FHIT: variants seen among roughly 807,000 people sequenced by gnomAD.
FHIT encodes bis(5'-adenosyl)-triphosphatase.
A neutral mutation model predicts 17.9 loss-of-function variants in FHIT; 19 were observed. The observed-to-expected ratio is 1.06, with a 90% confidence interval of 0.74 to 1.56. The LOEUF (loss-of-function observed/expected upper bound fraction) is 1.56, where lower values mean the gene tolerates loss of function less well. FHIT is among the 40% of genes most tolerant of loss of function. The pLI is 0.00. For missense variants in FHIT, 248 were observed against 189.2 expected, an observed-to-expected ratio of 1.31 and a Z score of -1.82; for synonymous variants, 81 against 69.7, an observed-to-expected ratio of 1.16 and a Z score of -0.81.
chr3:61,102,089 A>G (rs940754443), intron 2 of FHIT, among the ~76,000 whole-genome samples: 2 of 152,158 alleles, frequency 1.3e-5, no homozygotes, highest in African/African-American at 2.4e-5. Flanking sequence ...TTCCAACACT[A>G]TATTGAATAG....
intron 5 of FHIT, among the ~76,000 whole-genome samples, chr3:60,113,053 T>C (rs1342746882): frequency 6.6e-6 from 1 of 152,208 alleles, no homozygotes; most frequent in Non-Finnish European, 1.5e-5. Context: ...AGGGCTTTCC[T>C]GACCATCCAA....
chr3:60,806,195 T>C (rs781931036), intron 4 of FHIT, among the ~76,000 whole-genome samples: 1 of 152,202 alleles, frequency 6.6e-6, no homozygotes, highest in Non-Finnish European at 1.5e-5. Context: ...TGGGATTCAG[T>C]TGGGGGGCTC....
chr3:60,697,623 T>A (rs2041144052), intron 4 of FHIT, among the ~76,000 whole-genome samples: 1 of 152,132 alleles, frequency 6.6e-6, no homozygotes, highest in African/African-American at 2.4e-5. Flanking sequence ...AAATAATATA[T>A]ATATTTTAAA....
At chr3:60,678,770 G>A (rs2040679588) in intron 4 of FHIT, among the ~76,000 whole-genome samples, 1 of 152,064 alleles carries the variant, frequency 6.6e-6, no homozygotes, top group African/African-American at 2.4e-5. Context: ...CCCAAGAGTG[G>A]CTCCAGCCTG....
At chr3:60,789,239 G>T (rs1164065066) in intron 4 of FHIT, among the ~76,000 whole-genome samples, 1 of 151,630 alleles carries the variant, frequency 6.6e-6, no homozygotes, top group African/African-American at 2.4e-5. Flanking sequence ...ACGAAGGTTG[G>T]CCAGGTGCTG....
chr3:59,835,956 G>C (rs1701324866), intron 8 of FHIT, among the ~76,000 whole-genome samples: 1 of 152,084 alleles, frequency 6.6e-6, no homozygotes, highest in Non-Finnish European at 1.5e-5. Context: ...ATCTAGGAGG[G>C]GATGGTTCCC....
At chr3:59,797,189 A>AT (rs201641033) in intron 8 of FHIT, among the ~76,000 whole-genome samples, 5,109 of 145,036 alleles carry the variant, frequency 0.035, 224 homozygotes, top group Admixed American at 0.094. Flanking sequence ...TGATATTACA[A>AT]TTTTTTTTTT....
At chr3:59,869,143 C>T (rs1702794506) in intron 8 of FHIT, among the ~76,000 whole-genome samples, 1 of 152,220 alleles carries the variant, frequency 6.6e-6, no homozygotes, top group African/African-American at 2.4e-5. Flanking sequence ...CAACACTCCA[C>T]TGCCTTTCAA....
chr3:60,815,530 A>T (rs1701712487), intron 4 of FHIT, among the ~76,000 whole-genome samples: 1 of 152,124 alleles, frequency 6.6e-6, no homozygotes, highest in South Asian at 2.1e-4. Flanking sequence ...TTTGTTGAAG[A>T]TCAGATGGTT....
chr3:60,149,162 G>A (rs1358438006), intron 5 of FHIT, among the ~76,000 whole-genome samples: 2 of 152,118 alleles, frequency 1.3e-5, no homozygotes, highest in Non-Finnish European at 2.9e-5. Context: ...ATTAAATATA[G>A]GTGTTTCTTT....
intron 3 of FHIT, among the ~76,000 whole-genome samples, chr3:60,885,426 AC>A (rs1559800683): frequency 2.6e-5 from 4 of 152,234 alleles, no homozygotes; most frequent in African/African-American, 7.2e-5. Context: ...CCTTCTGCAT[AC>A]AAAAAGTGAT....
Position 60,449,648 on chromosome 3 carries a change from G to A in FHIT, c.103+87212C>T, listed in dbSNP as rs185684780. On this transcript the variant is annotated intron_variant, in intron 5 of 9. Coordinates refer to ENST00000492590, the MANE Select transcript of FHIT (RefSeq NM_002012.4). ...GCATGTTATTGTACTGAATACTGTAGGTAATTGTAACACACTGGCAAGTAT... is the reference window on the plus strand; with the variant it reads ...GCATGTTATTGTACTGAATACTGTAAGTAATTGTAACACACTGGCAAGTAT... Among the ~76,000 whole-genome samples the A allele has an allele frequency of 5.9e-5, 9 of 152,016 alleles. No individual in the cohort carries two copies. The East Asian group carries it at 1.7e-3, about 29-fold the overall frequency.
chr3:61,082,241 A>G (rs1444582409), intron 2 of FHIT, among the ~76,000 whole-genome samples: 1 of 152,152 alleles, frequency 6.6e-6, no homozygotes, highest in Non-Finnish European at 1.5e-5. Flanking sequence ...TCCCTTCCCA[A>G]TTAATTTCCT....
intron 8 of FHIT, among the ~76,000 whole-genome samples, chr3:59,878,783 C>T (rs942299561): frequency 2.0e-5 from 3 of 152,136 alleles, no homozygotes; most frequent in Non-Finnish European, 4.4e-5. Flanking sequence ...TCGATATTGA[C>T]GCTAACGAGA....
intron 5 of FHIT, among the ~76,000 whole-genome samples, chr3:60,502,927 T>TA (rs1224488814): frequency 2.6e-5 from 4 of 152,222 alleles, no homozygotes; most frequent in African/African-American, 4.8e-5. Context: ...TACTCCTATT[T>TA]AGATGGTGAC....
chr3:61,158,573 C>A (rs2037598476), intron 2 of FHIT, among the ~76,000 whole-genome samples: 1 of 152,198 alleles, frequency 6.6e-6, no homozygotes, highest in Non-Finnish European at 1.5e-5. Context: ...TCATCTCTGA[C>A]AGAAAGGCCA....
intron 5 of FHIT, among the ~76,000 whole-genome samples, chr3:60,161,322 G>A (rs557380213): frequency 5.9e-5 from 9 of 152,314 alleles, no homozygotes; most frequent in East Asian, 1.9e-4. Context: ...ACGGCACAAC[G>A]TCTGCCTGCC....
chr3:59,960,952 T>C (rs925157774), intron 7 of FHIT, among the ~76,000 whole-genome samples: 4 of 152,196 alleles, frequency 2.6e-5, no homozygotes, highest in East Asian at 1.9e-4. Context: ...TAGATTAAAT[T>C]TGAATAGTGC....
intron 7 of FHIT, among the ~76,000 whole-genome samples, chr3:59,947,847 G>A (rs964189991): frequency 1.3e-4 from 20 of 152,178 alleles, no homozygotes; most frequent in Admixed American, 6.5e-5. Flanking sequence ...AGAATGGTGG[G>A]TGTATGCCAA....
Sources: allele counts gnomAD v4.1 joint callset (sites outside exome capture counted in the v4.1 genomes callset), GRCh38; gene constraint gnomAD v4.1.1; transcripts MANE v1.5; gene names NCBI Gene and HGNC (gene_info 2026-07-23, HGNC 2026-07-21).